ICA1: variants seen among roughly 807,000 people sequenced by gnomAD.
The protein encoded by ICA1 is islet cell autoantigen 1.
Under a neutral mutation model 71.0 loss-of-function variants are expected in ICA1, and 40 were observed. The observed-to-expected ratio is 0.56, with a 90% CI of 0.44 to 0.73. The LOEUF is 0.73. Among genes scored for constraint, ICA1 ranks in the 30% least tolerant of loss-of-function variants. The pLI, the probability that ICA1 is intolerant of heterozygous loss-of-function variation, is 0.00. For synonymous variants in ICA1, 207 were observed against 209.5 expected, an observed-to-expected ratio of 0.99 and a Z score of 0.10; for missense variants, 578 against 576.5, an observed-to-expected ratio of 1.00 and a Z score of -0.03.
chr7:8,155,401 G>A (rs367721934), intron 8 of ICA1, among the ~76,000 whole-genome samples: 9 of 152,144 alleles, frequency 5.9e-5, no homozygotes, highest in African/African-American at 1.9e-4. Flanking sequence ...CAGGATAAAC[G>A]TCGTAGCAAA....
chr7:8,216,402 G>T (rs1214221418), intron 6 of ICA1, among the ~76,000 whole-genome samples: 1 of 151,968 alleles, frequency 6.6e-6, no homozygotes, highest in Non-Finnish European at 1.5e-5. Flanking sequence ...ATGGGATTGG[G>T]GAGTAAGGCT....
rs187373124 is a variant in ICA1, at chr7:8,230,516, T to C, written c.184-1843A>G. Among the ~76,000 whole-genome samples, 151 of 152,336 alleles carry C rather than the reference T, an allele frequency of 9.9e-4. 1 individual carries two copies. Among genetic ancestry groups the C allele is most frequent in the Non-Finnish European group, 1.5e-3 (105 of 68,036 alleles). ...GAAACCTCTATCATGTGCTAAATTATTTGTCACAGCTAAGTACAATGGATG... is the reference window on the plus strand; with the variant it reads ...GAAACCTCTATCATGTGCTAAATTACTTGTCACAGCTAAGTACAATGGATG... On this transcript the variant is annotated intron_variant, in intron 3 of 13. Coordinates refer to ENST00000402384, the MANE Select transcript of ICA1 (RefSeq NM_001136020.3).
chr7:8,152,796 T>TCA (rs1799779231), intron 8 of ICA1, among the ~76,000 whole-genome samples: 2 of 49,596 alleles, frequency 4.0e-5, no homozygotes, highest in Non-Finnish European at 4.2e-5. Flanking sequence ...CACCATCACC[T>TCA]CCACCACCAC....
chr7:8,135,232 G>C (rs955715819), intron 12 of ICA1, among the ~76,000 whole-genome samples: 1 of 152,070 alleles, frequency 6.6e-6, no homozygotes, highest in African/African-American at 2.4e-5. Flanking sequence ...TCATTATGTT[G>C]GCAAGGCTGG....
At chr7:8,200,972 C>T (rs768234687) in intron 6 of ICA1, among the ~76,000 whole-genome samples, 6 of 152,078 alleles carry the variant, frequency 3.9e-5, no homozygotes, top group Non-Finnish European at 7.4e-5. Flanking sequence ...CTCTTGATGC[C>T]AAAAAACCCC....
chr7:8,210,437 T>C lies in ICA1; in HGVS notation c.579+7868A>G, dbSNP rs142986663. Reference sequence around the variant, plus strand: ...TCAGGACATAAACACATCATGAATATGTATTTATTTAAACTTAAATATTTC... The same window carrying C: ...TCAGGACATAAACACATCATGAATACGTATTTATTTAAACTTAAATATTTC... On this transcript the variant is annotated intron_variant, in intron 6 of 13. Coordinates refer to ENST00000402384, the MANE Select transcript of ICA1 (RefSeq NM_001136020.3). Among the ~76,000 whole-genome samples the C allele has an allele frequency of 9.7e-4, 148 of 152,320 alleles. 1 individual carries two copies. The highest frequency in any genetic ancestry group is 6.9e-3 in the East Asian group (36 of 5,190).
At chr7:8,127,794 A>T in intron 13 of ICA1, 79 bp downstream of exon 13, 1 of 1,418,708 alleles carries the variant, frequency 7.0e-7, no homozygotes, top group Non-Finnish European at 9.5e-7. Flanking sequence ...AAGACAAAGA[A>T]GGAAGAAATA....
chr7:8,115,709 C>A (rs1410220493), intron 13 of ICA1, among the ~76,000 whole-genome samples: 1 of 152,218 alleles, frequency 6.6e-6, no homozygotes, highest in African/African-American at 2.4e-5. Flanking sequence ...CTGTGGCCAA[C>A]AAGAGAAAGT....
chr7:8,228,924 C>T (rs562613074), intron 3 of ICA1, among the ~76,000 whole-genome samples: 64 of 152,258 alleles, frequency 4.2e-4, no homozygotes, highest in Non-Finnish European at 8.7e-4. Flanking sequence ...TTATTTCTCC[C>T]AGTCTACTGA....
intron 6 of ICA1, among the ~76,000 whole-genome samples, chr7:8,200,338 C>CAAAAAAA (rs34371233): frequency 2.9e-5 from 2 of 67,938 alleles, no homozygotes; most frequent in African/African-American, 1.2e-4. Flanking sequence ...CACAGTTGAG[C>CAAAAAAA]AAAAAAAAAA....
Position 8,132,336 on chromosome 7 carries a change from C to G in ICA1, c.1061-4194G>C, listed in dbSNP as rs1039140270. 3.3e-5 allele frequency among the ~76,000 whole-genome samples: 5 copies of G among 152,166 alleles called. No individual in the cohort carries two copies. Among genetic ancestry groups the G allele is most frequent in the African/African-American group, 1.2e-4 (5 of 41,436 alleles). ...CTAGCCGCAGGAGATGTGTGCCTAT[C>G]TCAACAATAATCAGCCTTCACTTGA... On this transcript the variant is annotated intron_variant, in intron 12 of 13. Transcript: ENST00000402384. The surrounding 1 kb of genome is among the most constrained non-coding windows in gnomAD (Gnocchi z 4.5).
intron 6 of ICA1, among the ~76,000 whole-genome samples, chr7:8,168,355 A>G (rs1412380551): frequency 6.6e-6 from 1 of 152,154 alleles, no homozygotes; most frequent in African/African-American, 2.4e-5. Flanking sequence ...ATTACATGCC[A>G]TAACATTTGT....
intron 13 of ICA1, among the ~76,000 whole-genome samples, chr7:8,118,159 C>A (rs1413955710): frequency 5.3e-5 from 8 of 152,178 alleles, no homozygotes; most frequent in Non-Finnish European, 1.2e-4. Flanking sequence ...ATAATACTCA[C>A]TGGTTGAAGT....
rs558659671 is a variant in ICA1, at chr7:8,244,456, T to C, written c.-79-8451A>G. Among the ~76,000 whole-genome samples the C allele has an allele frequency of 3.8e-3, 585 of 152,278 alleles. 2 individuals are homozygous for C. The highest frequency in any genetic ancestry group is 5.6e-3 in the Non-Finnish European group (379 of 68,016). On this transcript the variant is annotated intron_variant, in intron 1 of 13. Transcript: ENST00000402384. ...GTTAGACCTACAACCATAAAAACCC[T>C]AGAGGAAAACCTAGGCAATACCATT...
chr7:8,255,520 C>T (rs753232417), intron 1 of ICA1, among the ~76,000 whole-genome samples: 1 of 152,266 alleles, frequency 6.6e-6, no homozygotes, highest in Middle Eastern at 3.4e-3. Context: ...TTAGGTGAGG[C>T]CACTTCCATG....
In ICA1 at chr7:8,148,858, A is replaced by G. The variant is rs118001937; in HGVS notation, c.805-4886T>C. On this transcript the variant is annotated intron_variant, in intron 8 of 13. Transcript: ENST00000402384. ...GGAACATTAAAAGATCATGGAGGAA[A>G]AAATCATAACCCCCTTTATCCCCCC... is the stretch of plus-strand genomic sequence containing the variant. Among the ~76,000 whole-genome samples the G allele has an allele frequency of 4.6e-3, 699 of 152,332 alleles. 2 individuals are homozygous for G. Among genetic ancestry groups the G allele is most frequent in the South Asian group, 7.9e-3 (38 of 4,824 alleles).
chr7:8,145,764 A>ATATATATGTATATATATG lies in ICA1; in HGVS notation c.805-1793_805-1792insCATATATATACATATATA, dbSNP rs55971486. Among the ~76,000 whole-genome samples the ATATATATGTATATATATG allele has an allele frequency of 5.4e-3, 737 of 136,298 alleles. 19 individuals carry two copies. The highest frequency in any genetic ancestry group is 0.019 in the African/African-American group (722 of 38,328). 89.4% of individuals were successfully genotyped at this position (136,298 alleles called of 152,430 possible). A position where few individuals can be genotyped will look rare whatever the true frequency, so the allele number is the denominator to read the frequency against. On this transcript the variant is annotated intron_variant, in intron 8 of 13. Coordinates refer to ENST00000402384, the MANE Select transcript of ICA1 (RefSeq NM_001136020.3). ...AATCATTGTGTATATATATATATAT[A>ATATATATGTATATATATG]TATGTATATAAAATATATAGAGAGA...
At chr7:8,164,290 C>T (rs578229003) in intron 6 of ICA1, among the ~76,000 whole-genome samples, 2 of 113,140 alleles carry the variant, frequency 1.8e-5, no homozygotes, top group Non-Finnish European at 1.6e-5. Flanking sequence ...GGCGACCGAG[C>T]GAGACTCCGT....
chr7:8,161,907 A>G (rs1803978749), intron 6 of ICA1, among the ~76,000 whole-genome samples: 1 of 152,228 alleles, frequency 6.6e-6, no homozygotes, highest in South Asian at 2.1e-4. Flanking sequence ...TTGTGGTTAT[A>G]GACAACTGAT....
Sources: gnomAD v4.1 joint callset for allele counts (sites outside exome capture counted in the v4.1 genomes callset) on GRCh38, gnomAD v4.1.1 for gene constraint, Gnocchi (gnomAD v3.1) non-coding constraint, MANE v1.5 for transcripts, NCBI Gene and HGNC (gene_info 2026-07-23, HGNC 2026-07-21) for gene names.